Variants in C3orf20 observed in about 807,000 individuals in gnomAD.
The protein encoded by C3orf20 is uncharacterized protein C3orf20.
In C3orf20, 76 loss-of-function variants were observed where a neutral mutation model predicts 88.3. That is an observed-to-expected ratio of 0.86 (90% CI 0.72 to 1.04). C3orf20 has a LOEUF of 1.04. Among genes scored for constraint, C3orf20 ranks in the 50% least tolerant of loss-of-function variants. The probability of loss-of-function intolerance (pLI) is 0.00; values close to 1 mark genes in which losing one functional copy is unlikely to be tolerated. For missense variants in C3orf20, 1,056 were observed against 1,123.3 expected (o/e 0.94, Z 0.86); for synonymous variants, 436 against 437.4 (o/e 1.00, Z 0.04).
At position 14,682,371 on chromosome 3, in the gene C3orf20, C is replaced by T. The variant is rs959600870; in HGVS notation, c.-137+40C>T. On this transcript the variant is annotated intron_variant, in intron 2 of 16. Transcript: ENST00000253697. ...TTCTCTCTTCCCCAGCCCTTCCATT[C>T]CTCCAGCCCCCCCAGGGTCCTATAC... is the stretch of plus-strand genomic sequence containing the variant. 4.0e-5 allele frequency: 9 copies of T among 223,628 alleles called. No individual in the cohort carries two copies. The Admixed American group carries it at 4.5e-4, about 11-fold the overall frequency. 13.9% of individuals were successfully genotyped at this position (223,628 alleles called of 1,614,324 possible). A position where few individuals can be genotyped will look rare whatever the true frequency, so the allele number is the denominator to read the frequency against.
At chr3:14,765,838 C>G (rs2035685595) in intron 15 of C3orf20, among the ~76,000 whole-genome samples, 1 of 152,212 alleles carries the variant, frequency 6.6e-6, no homozygotes, top group African/African-American at 2.4e-5. Flanking sequence ...AGGCAAGGGC[C>G]AGGAGCAGGA....
rs1245519506 is a variant in C3orf20 at position 14,772,516 on chromosome 3, A to G, written c.2631-275A>G. ...TTGCAAGAAACTTGCTGCACCTGTT[A>G]AAGGCCACTTACTTGCTGGTGCTGG... On this transcript the variant is annotated intron_variant, in intron 16 of 16. Transcript: ENST00000253697. This position sits in a 1 kb window ranked among gnomAD's most constrained non-coding sequence, Gnocchi z 4.2. Among the ~76,000 whole-genome samples the G allele has an allele frequency of 6.6e-6, 1 of 152,242 alleles. No individual in the cohort carries two copies. Among genetic ancestry groups the G allele is most frequent in the Non-Finnish European group, 1.5e-5 (1 of 68,044 alleles).
intron 7 of C3orf20, among the ~76,000 whole-genome samples, chr3:14,710,183 ATTTTTTTT>A (rs954509515): frequency 6.9e-6 from 1 of 144,368 alleles, no homozygotes; most frequent in South Asian, 2.2e-4. Context: ...TTGTCTTAGG[ATTTTTTTT>A]TTTATTTCTG....
At chr3:14,740,850 T>C (rs1196130183) in intron 12 of C3orf20, among the ~76,000 whole-genome samples, 1 of 152,200 alleles carries the variant, frequency 6.6e-6, no homozygotes, top group Admixed American at 6.5e-5. Context: ...TTCCAGTGGA[T>C]TCATTTTTAT....
At chr3:14,753,725 G>T (rs2035282918) in intron 12 of C3orf20, among the ~76,000 whole-genome samples, 1 of 152,090 alleles carries the variant, frequency 6.6e-6, no homozygotes, top group African/African-American at 2.4e-5. Context: ...TGTTGTTGCT[G>T]CTTGTTGTAG....
intron 12 of C3orf20, among the ~76,000 whole-genome samples, chr3:14,739,598 T>C (rs918654938): frequency 6.6e-6 from 1 of 152,252 alleles, no homozygotes; most frequent in African/African-American, 2.4e-5. Context: ...CAGCCTGTCC[T>C]TTGAAGCTTT....
intron 7 of C3orf20, among the ~76,000 whole-genome samples, chr3:14,709,487 A>C (rs2033654950): frequency 6.6e-6 from 1 of 152,064 alleles, no homozygotes; most frequent in Non-Finnish European, 1.5e-5. Context: ...ATTTATTATG[A>C]TGTTAGTTGT....
chr3:14,707,818 C>CTTTTT (rs1559410867), intron 7 of C3orf20, among the ~76,000 whole-genome samples: 4 of 39,160 alleles, frequency 1.0e-4, no homozygotes, highest in African/African-American at 1.7e-4. Context: ...CTGTGTTTTC[C>CTTTTT]TCTTTTTTTT....
chr3:14,689,854 A>G, intron 4 of C3orf20, 143 bp from the exon 5 acceptor site: 1 of 1,077,570 alleles, frequency 9.3e-7, no homozygotes, highest in Non-Finnish European at 1.3e-6. Flanking sequence ...TCTTCTTCCA[A>G]GATCTAGGTG....
At position 14,688,224 on chromosome 3, in the gene C3orf20, T is replaced by A. The variant is rs997498416; in HGVS notation, c.626-1773T>A. Among the ~76,000 whole-genome samples, 3 of 152,124 alleles carry A rather than the reference T, an allele frequency of 2.0e-5. No individual in the cohort carries two copies. The East Asian group carries it at 5.8e-4, about 29-fold the overall frequency. On this transcript the variant is annotated intron_variant, in intron 4 of 16. Coordinates refer to ENST00000253697, the MANE Select transcript of C3orf20 (RefSeq NM_032137.5). ...ACCAAAGCTGTAACAGGTCTAGAGT[T>A]AACTTCTTTTAAAGTTGGGACCAGG...
At chr3:14,748,950 T>A (rs2035140176) in intron 12 of C3orf20, among the ~76,000 whole-genome samples, 1 of 152,216 alleles carries the variant, frequency 6.6e-6, no homozygotes, top group Non-Finnish European at 1.5e-5. Flanking sequence ...ATGTTCTATA[T>A]GTGTCTGTTA....
intron 5 of C3orf20, among the ~76,000 whole-genome samples, chr3:14,694,789 T>C (rs2032910863): frequency 6.6e-6 from 1 of 152,104 alleles, no homozygotes; most frequent in Non-Finnish European, 1.5e-5. Context: ...TTATTTGAAG[T>C]TTCTCTTCTT....
chr3:14,686,271 TATGTGAATAATACTGCA>T (rs1160540099), intron 4 of C3orf20, among the ~76,000 whole-genome samples: 1 of 152,186 alleles, frequency 6.6e-6, no homozygotes, highest in African/African-American at 2.4e-5. Flanking sequence ...ATGTCTTGGC[TATGTGAATAATACTGCA>T]ATGAGCATAG....
intron 12 of C3orf20, among the ~76,000 whole-genome samples, chr3:14,741,107 T>C (rs1010675990): frequency 2.0e-5 from 3 of 152,232 alleles, no homozygotes; most frequent in African/African-American, 7.2e-5. Context: ...AGGACTTATC[T>C]TTCCTTTCAA....
chr3:14,768,037 G>C lies in C3orf20; in HGVS notation c.2496-4030G>C, dbSNP rs555096487. Among the ~76,000 whole-genome samples the C allele has an allele frequency of 1.1e-3, 162 of 152,372 alleles. No individual in the cohort carries two copies. The highest frequency in any genetic ancestry group is 3.4e-3 in the Middle Eastern group (1 of 294). On this transcript the variant is annotated intron_variant, in intron 15 of 16. Coordinates refer to ENST00000253697, the MANE Select transcript of C3orf20 (RefSeq NM_032137.5). This position sits in a 1 kb window ranked among gnomAD's most constrained non-coding sequence, Gnocchi z 4.1. ...GAAACACCAATGTGAGCCTCAAGAG[G>C]CTTTGTATCCTGTAACATGCTATCC... is the stretch of plus-strand genomic sequence containing the variant.
chr3:14,731,138 C>A (rs1463744898), intron 12 of C3orf20, among the ~76,000 whole-genome samples: 2 of 152,198 alleles, frequency 1.3e-5, no homozygotes, highest in Non-Finnish European at 2.9e-5. Flanking sequence ...TCCTTTGTAG[C>A]CAAACCCTTC....
At chr3:14,762,761 G>A (rs1034697683) in intron 15 of C3orf20, among the ~76,000 whole-genome samples, 26 of 152,190 alleles carry the variant, frequency 1.7e-4, no homozygotes, top group African/African-American at 6.3e-4. Context: ...CACCCCCACA[G>A]CACCGAGTCT....
At chr3:14,767,856 T>C (rs1351776889) in intron 15 of C3orf20, among the ~76,000 whole-genome samples, 2 of 152,222 alleles carry the variant, frequency 1.3e-5, no homozygotes, top group Non-Finnish European at 2.9e-5. Flanking sequence ...CGTAAAGTGC[T>C]CTCTAAACTG....
chr3:14,751,443 C>A (rs114764213), intron 12 of C3orf20, among the ~76,000 whole-genome samples: 2 of 152,212 alleles, frequency 1.3e-5, no homozygotes, highest in African/African-American at 2.4e-5. Context: ...AAGCACAAGG[C>A]GTCAAGGGAT....
Sources: allele counts gnomAD v4.1 joint callset (sites outside exome capture counted in the v4.1 genomes callset), GRCh38; gene constraint gnomAD v4.1.1; non-coding constraint Gnocchi (gnomAD v3.1); transcripts MANE v1.5; gene names NCBI Gene and HGNC (gene_info 2026-07-23, HGNC 2026-07-21).